ANK3: variants seen among roughly 807,000 people sequenced by gnomAD.
ANK3 encodes ankyrin 3.
A neutral mutation model predicts 370.9 loss-of-function variants in ANK3; 57 were observed. The observed-to-expected ratio is 0.15, with a 90% confidence interval of 0.12 to 0.19. ANK3 has a LOEUF of 0.19. ANK3 is among the 10% of genes least tolerant of loss of function. The probability of loss-of-function intolerance (pLI) is 1.00; values close to 1 mark genes in which losing one functional copy is unlikely to be tolerated. For missense variants in ANK3, 4,439 were observed against 5,302.1 expected (o/e 0.84, Z 5.06); for synonymous variants, 1,929 against 1,946.3 (o/e 0.99, Z 0.23).
At chr10:60,244,244 A>G (rs935433053) in intron 7 of ANK3, among the ~76,000 whole-genome samples, 2 of 152,198 alleles carry the variant, frequency 1.3e-5, no homozygotes, top group Admixed American at 6.5e-5. Flanking sequence ...TTTAAATACG[A>G]AAAGGATGTA....
rs573720799 is a variant in ANK3, at chr10:60,522,793, G to A, written c.96+92393C>T. 3.3e-5 allele frequency among the ~76,000 whole-genome samples: 5 copies of A among 152,146 alleles called. No individual in the cohort carries two copies. The South Asian group carries it at 1.0e-3, about 32-fold the overall frequency. The stretch of plus-strand genomic sequence containing the variant: ...ATGATTCTTCTATGAATATGAAACA[G>A]ACATGTTTCAAAGATCTTATTGAAA... On this transcript the variant is annotated intron_variant, in intron 2 of 43. Coordinates refer to the ANK3 transcript ENST00000373827.
At chr10:60,261,792 G>A in intron 7 of ANK3, 67 bp downstream of exon 7, 1 of 1,425,080 alleles carries the variant, frequency 7.0e-7, no homozygotes, top group Non-Finnish European at 9.8e-7. Context: ...ACATCCTCAT[G>A]TTGGGGAAAG....
intron 14 of ANK3, among the ~76,000 whole-genome samples, 199 bp downstream of exon 14, chr10:60,198,141 A>G (rs1433004637): frequency 6.6e-6 from 1 of 152,098 alleles, no homozygotes; most frequent in African/African-American, 2.4e-5. Flanking sequence ...ATACTAAGAA[A>G]CTTAAGGCAA....
intron 2 of ANK3, among the ~76,000 whole-genome samples, chr10:60,505,804 C>CT (rs367684509): frequency 2.2e-3 from 335 of 151,974 alleles, no homozygotes; most frequent in South Asian, 7.7e-3. Flanking sequence ...TTAAAAAGCT[C>CT]TTTTTTTTGA....
At chr10:60,319,784 T>C (rs957848145) in intron 1 of ANK3, among the ~76,000 whole-genome samples, 1 of 152,238 alleles carries the variant, frequency 6.6e-6, no homozygotes, top group Admixed American at 6.5e-5. Context: ...TTACAGTATA[T>C]TGATTGGCCT....
intron 1 of ANK3, among the ~76,000 whole-genome samples, chr10:60,322,517 C>A (rs575468843): frequency 2.0e-5 from 3 of 151,844 alleles, no homozygotes; most frequent in African/African-American, 7.3e-5. Context: ...GACATTTAGT[C>A]TGGAAAAAAG....
Position 60,536,433 on chromosome 10 carries a change from G to A in ANK3, c.96+78753C>T, listed in dbSNP as rs543231044. ...GAGAAATGCCACCTGAAATTCATCC[G>A]CTTTCCTTCTTTAAAATCCTTTTAA... On this transcript the variant is annotated intron_variant, in intron 2 of 43. Transcript: ENST00000373827. Among the ~76,000 whole-genome samples the A allele has an allele frequency of 6.6e-5, 10 of 152,100 alleles. No individual in the cohort carries two copies. The South Asian group carries it at 1.0e-3, about 16-fold the overall frequency.
At chr10:60,384,124 G>A (rs960619547) in intron 1 of ANK3, among the ~76,000 whole-genome samples, 1 of 152,238 alleles carries the variant, frequency 6.6e-6, no homozygotes, top group Admixed American at 6.5e-5. Flanking sequence ...TGAAAATAAT[G>A]CCTGCCTCAT....
chr10:60,606,939 A>G (rs1170290685), intron 2 of ANK3, among the ~76,000 whole-genome samples: 1 of 152,184 alleles, frequency 6.6e-6, no homozygotes, highest in Non-Finnish European at 1.5e-5. Context: ...CACATAACAG[A>G]TGTATGGAAC....
intron 2 of ANK3, among the ~76,000 whole-genome samples, chr10:60,557,568 C>T (rs1307318964): frequency 6.6e-6 from 1 of 151,970 alleles, no homozygotes; most frequent in Admixed American, 6.6e-5. Flanking sequence ...GATAGTTGCT[C>T]AACATCATGA....
At chr10:60,644,529 A>G (rs10761534) in intron 1 of ANK3, among the ~76,000 whole-genome samples, 2 of 151,126 alleles carry the variant, frequency 1.3e-5, no homozygotes, top group African/African-American at 2.4e-5. Context: ...AAAAGTACCA[A>G]TTTTTCTATT....
At position 60,069,619 on chromosome 10, in the gene ANK3, T is replaced by A; in HGVS notation, c.11262A>T (p.Gly3754=). 1 of 1,614,206 alleles carries A rather than the reference T, an allele frequency of 6.2e-7. No homozygotes were observed. The highest frequency in any genetic ancestry group is 1.7e-4 in the Middle Eastern group (1 of 6,060). ...TCATTGTTATAGTTTCATTTTCTAA[T>A]CCCTGACAACTGGTCATCACCGCTT... The part of the protein sequence containing the change: ...KIEAVMTSCQ[G]LENETITMIS... Residue 3754 remains glycine, a synonymous_variant, in exon 37 of 44, where the codon GGA becomes GGT. Transcript: ENST00000280772.
intron 1 of ANK3, among the ~76,000 whole-genome samples, chr10:60,289,267 T>C (rs1327233970): frequency 9.4e-6 from 1 of 106,456 alleles, no homozygotes; most frequent in Admixed American, 8.4e-5. Context: ...GCCCTGCCTT[T>C]TTTTTTTTTT....
intron 29 of ANK3, 122 bp from the exon 30 acceptor site, chr10:60,087,006 A>C: frequency 2.7e-6 from 2 of 727,368 alleles, no homozygotes; most frequent in Non-Finnish European, 4.3e-6. Flanking sequence ...AAAAAAAAAA[A>C]AAACCCAGGT....
intron 8 of ANK3, among the ~76,000 whole-genome samples, chr10:60,214,632 T>C (rs1402733745): frequency 2.0e-5 from 3 of 152,110 alleles, no homozygotes. Flanking sequence ...TGTTCCCGTG[T>C]TTGTTTGCTG....
intron 7 of ANK3, among the ~76,000 whole-genome samples, chr10:60,249,095 T>C (rs537913022): frequency 6.6e-6 from 1 of 152,138 alleles, no homozygotes; most frequent in Non-Finnish European, 1.5e-5. Context: ...CAATCAAAAG[T>C]AGCCTGCTAT....
At position 60,044,005 on chromosome 10, in the gene ANK3, G is replaced by A. The variant is rs968384184; in HGVS notation, c.13066-1246C>T. On this transcript the variant is annotated intron_variant, in intron 42 of 43. Coordinates refer to ENST00000280772, the MANE Select transcript of ANK3 (RefSeq NM_020987.5). Reference sequence around the variant, plus strand: ...CCACACTGCAGATGCCAGCCTGTTAGCAGCAATTTCTAGGGAGTGCACAAA... The same window carrying A: ...CCACACTGCAGATGCCAGCCTGTTAACAGCAATTTCTAGGGAGTGCACAAA... The A allele has an allele frequency of 1.1e-5, 11 of 985,714 alleles. No homozygotes were observed. The African/African-American group carries it at 1.9e-4, about 17-fold the overall frequency. The allele number at this position is 985,714 out of a possible 1,614,324, so 61.1% of individuals were successfully genotyped here.
intron 1 of ANK3, among the ~76,000 whole-genome samples, chr10:60,662,590 T>A (rs1292370223): frequency 1.3e-5 from 2 of 152,172 alleles, no homozygotes; most frequent in Non-Finnish European, 2.9e-5. Flanking sequence ...ATCTGAATCA[T>A]TTATTAAAAG....
chr10:60,105,682 G>A (rs1293014625), intron 28 of ANK3, among the ~76,000 whole-genome samples: 2 of 152,142 alleles, frequency 1.3e-5, no homozygotes, highest in Non-Finnish European at 2.9e-5. Flanking sequence ...ATTAAAGATG[G>A]AATCATCAAA....
Sources: gnomAD v4.1 joint callset for allele counts (sites outside exome capture counted in the v4.1 genomes callset) on GRCh38, gnomAD v4.1.1 for gene constraint, MANE v1.5 for transcripts, NCBI Gene and HGNC (gene_info 2026-07-23, HGNC 2026-07-21) for gene names.